PCDHGA5: variants seen among roughly 807,000 people sequenced by gnomAD.
The protein encoded by PCDHGA5 is protocadherin gamma-A5.
A neutral mutation model predicts 56.7 loss-of-function variants in PCDHGA5; 36 were observed. That is an observed-to-expected ratio of 0.64 (90% CI 0.49 to 0.84). PCDHGA5 has a LOEUF of 0.84. PCDHGA5 is among the 40% of genes least tolerant of loss of function. PCDHGA5 has a pLI of 0.00. For synonymous variants in PCDHGA5, 563 were observed against 520.2 expected, an observed-to-expected ratio of 1.08 and a Z score of -1.12; for missense variants, 1,305 against 1,201.5, an observed-to-expected ratio of 1.09 and a Z score of -1.27.
intron 1 of PCDHGA5, chr5:141,478,920 CCAGTGG>C: frequency 2.7e-6 from 2 of 728,392 alleles, no homozygotes; most frequent in South Asian, 4.5e-5. Flanking sequence ...ATACCTCTAA[CCAGTGG>C]CAGCTTCTAG....
chr5:141,391,912 T>C (rs1370313040), intron 1 of PCDHGA5: 1 of 152,228 alleles, frequency 6.6e-6, no homozygotes, highest in Non-Finnish European at 1.5e-5. Context: ...CTTTTTATCA[T>C]ATATTCATCT....
chr5:141,497,384 A>G (rs2099776099), intron 2 of PCDHGA5, among the ~76,000 whole-genome samples: 1 of 151,900 alleles, frequency 6.6e-6, no homozygotes, highest in African/African-American at 2.4e-5. Context: ...TGGGGTGAGC[A>G]CCTTACCCCT....
chr5:141,444,920 G>A (rs2098451595), intron 1 of PCDHGA5, among the ~76,000 whole-genome samples: 1 of 152,110 alleles, frequency 6.6e-6, no homozygotes, highest in Non-Finnish European at 1.5e-5. Context: ...ACCTTTATCA[G>A]GGAAAGAGGG....
At chr5:141,421,618 G>T (rs748399893) in intron 1 of PCDHGA5, 1 of 1,613,766 alleles carries the variant, frequency 6.2e-7, no homozygotes, top group Non-Finnish European at 8.5e-7. Flanking sequence ...TAATGATAAC[G>T]CCCCCAGCTT....
At chr5:141,391,306 C>CTTTTTTTTTTTT in intron 1 of PCDHGA5, 1 of 146,116 alleles carries the variant, frequency 6.8e-6, no homozygotes. Flanking sequence ...TCTTTCGATT[C>CTTTTTTTTTTTT]TTTTTTTTTT....
rs199965876 is a variant in PCDHGA5, at chr5:141,419,464, C to G, written c.2421+52713C>G. ...CCTTCGAGCTCACGCTGCAGGCCCG[C>G]GACCAGGGCTCGCCCGCGCTCAGCG... On this transcript the variant is annotated intron_variant, in intron 1 of 3. Transcript: ENST00000518069. 4 of 1,612,542 alleles carry G rather than the reference C, an allele frequency of 2.5e-6. No homozygotes were observed. In the Admixed American group the frequency reaches 6.7e-5, roughly 27 times the overall value.
intron 1 of PCDHGA5, among the ~76,000 whole-genome samples, chr5:141,437,913 T>G (rs1232481433): frequency 6.6e-6 from 1 of 152,138 alleles, no homozygotes; most frequent in East Asian, 1.9e-4. Context: ...AATTTTTGTA[T>G]TTTTAGTAGA....
At chr5:141,496,602 C>A (rs981108050) in intron 2 of PCDHGA5, among the ~76,000 whole-genome samples, 5 of 152,150 alleles carry the variant, frequency 3.3e-5, no homozygotes, top group Admixed American at 1.3e-4. Flanking sequence ...TCTTAGAAGG[C>A]CCCTAAAAAG....
intron 1 of PCDHGA5, chr5:141,398,734 G>C (rs768663543): frequency 6.2e-7 from 1 of 1,613,788 alleles, no homozygotes; most frequent in Non-Finnish European, 8.5e-7. Context: ...CTTAGACCGG[G>C]AACAACAGAG....
At chr5:141,501,402 G>T (rs527659990) in intron 2 of PCDHGA5, among the ~76,000 whole-genome samples, 1 of 151,622 alleles carries the variant, frequency 6.6e-6, no homozygotes, top group African/African-American at 2.4e-5. Context: ...ACAGGCCACT[G>T]CTTGGAAAAT....
chr5:141,400,743 C>G (rs1404866842), intron 1 of PCDHGA5: 1 of 611,332 alleles, frequency 1.6e-6, no homozygotes, highest in Non-Finnish European at 2.8e-6. Flanking sequence ...AGAGTTTGCT[C>G]TTAGCTTCCT....
At position 141,475,845 on chromosome 5, in the gene PCDHGA5, G is replaced by A. The variant is rs2099375736; in HGVS notation, c.2422-18962G>A. On this transcript the variant is annotated intron_variant, in intron 1 of 3. Coordinates refer to ENST00000518069, the MANE Select transcript of PCDHGA5 (RefSeq NM_018918.3). ...CGCTAGCGCGTGTCCTGCTCAGAGA[G>A]CCCGGCGCTAGCTCATTCTTCGTGC... The A allele has an allele frequency of 2.0e-5, 9 of 447,884 alleles. 1 individual carries two copies. In the South Asian group the frequency reaches 2.8e-4, roughly 14 times the overall value. 27.7% of individuals were successfully genotyped at this position (447,884 alleles called of 1,614,324 possible).
At position 141,432,781 on chromosome 5, in the gene PCDHGA5, C is replaced by T. The variant is rs761954375; in HGVS notation, c.2422-62026C>T. On this transcript the variant is annotated intron_variant, in intron 1 of 3. Coordinates refer to ENST00000518069, the MANE Select transcript of PCDHGA5 (RefSeq NM_018918.3). This position sits in a 1 kb window ranked among gnomAD's most constrained non-coding sequence, Gnocchi z 6.0. ...ACAGCATCCCCCAAGTCCTGGCGGA[C>T]CTCGGCAGCCTCGAGTCTCCAGCTA... The T allele has an allele frequency of 3.1e-6, 5 of 1,614,064 alleles. No homozygotes were observed. The Admixed American group carries it at 8.3e-5, about 27-fold the overall frequency.
At chr5:141,419,433 T>A (rs1333004780) in intron 1 of PCDHGA5, 6 of 1,613,246 alleles carry the variant, frequency 3.7e-6, no homozygotes, top group Non-Finnish European at 5.1e-6. Flanking sequence ...CACGAGCAGC[T>A]GCGCACCTTC....
chr5:141,408,914 A>G lies in PCDHGA5; in HGVS notation c.2421+42163A>G, dbSNP rs776105035. ...AATTTCTGTCAAGGATACCAATGAT[A>G]ACCCCCCGGTTTTCAGCAGAGACGA... On this transcript the variant is annotated intron_variant, in intron 1 of 3. Coordinates refer to ENST00000518069, the MANE Select transcript of PCDHGA5 (RefSeq NM_018918.3). The G allele has an allele frequency of 1.2e-5, 20 of 1,613,446 alleles. No homozygotes were observed. The South Asian group carries it at 2.1e-4, about 17-fold the overall frequency.
chr5:141,483,892 A>C (rs1463395859), intron 1 of PCDHGA5, among the ~76,000 whole-genome samples: 1 of 151,652 alleles, frequency 6.6e-6, no homozygotes, highest in Non-Finnish European at 1.5e-5. Flanking sequence ...TATTTCTCTG[A>C]GCTCTGGTGT....
chr5:141,477,607 G>A lies in PCDHGA5; in HGVS notation c.2422-17200G>A, dbSNP rs1223703956. ...ATGCTCGGCTTTCTTTCTTTCTCTT[G>A]GAGCAAGGAGCTGAAACCGGGCTAG... is the stretch of plus-strand genomic sequence containing the variant. On this transcript the variant is annotated intron_variant, in intron 1 of 3. Coordinates refer to ENST00000518069, the MANE Select transcript of PCDHGA5 (RefSeq NM_018918.3). The surrounding 1 kb of genome is among the most constrained non-coding windows in gnomAD (Gnocchi z 4.9). 2 of 1,614,028 alleles carry A rather than the reference G, an allele frequency of 1.2e-6. No individual in the cohort carries two copies. The highest frequency in any genetic ancestry group is 3.3e-5 in the Admixed American group (2 of 60,000).
chr5:141,376,919 C>T (rs1232247479), intron 1 of PCDHGA5: 1 of 173,284 alleles, frequency 5.8e-6, no homozygotes, highest in Non-Finnish European at 1.2e-5. Context: ...GATCTCCTGA[C>T]CTCATGATCC....
intron 1 of PCDHGA5, among the ~76,000 whole-genome samples, chr5:141,475,341 C>T (rs1306106224): frequency 6.6e-6 from 1 of 152,162 alleles, no homozygotes; most frequent in Non-Finnish European, 1.5e-5. Context: ...CAATGACATC[C>T]AGTTTTAAAA....
Sources: gnomAD v4.1 joint callset for allele counts (sites outside exome capture counted in the v4.1 genomes callset) on GRCh38, gnomAD v4.1.1 for gene constraint, Gnocchi (gnomAD v3.1) non-coding constraint, MANE v1.5 for transcripts, NCBI Gene and HGNC (gene_info 2026-07-23, HGNC 2026-07-21) for gene names.